PMFBP1: variants seen among roughly 807,000 people sequenced by gnomAD.
PMFBP1 encodes the protein polyamine modulated factor 1 binding protein 1.
In PMFBP1, 131 loss-of-function variants were observed where a neutral mutation model predicts 137.8. The ratio of observed to expected loss-of-function variants is 0.95; its 90% CI spans 0.82 to 1.10. The LOEUF is 1.10. Among genes scored for constraint, PMFBP1 ranks in the 50% least tolerant of loss-of-function variants. PMFBP1 has a pLI of 0.00. For synonymous variants in PMFBP1, 490 were observed against 450.4 expected, an observed-to-expected ratio of 1.09 and a Z score of -1.11; for missense variants, 1,199 against 1,175.4, an observed-to-expected ratio of 1.02 and a Z score of -0.29.
the PMFBP1 span, among the ~76,000 whole-genome samples, chr16:72,245,441 G>A: frequency 8.3e-4 from 127 of 152,288 alleles, 3 homozygotes; most frequent in East Asian, 0.021. Context: ...CCTGGCTACA[G>A]AGCCCATGCT....
At chr16:72,117,627 T>C (rs2042321936), downstream of PMFBP1, among the ~76,000 whole-genome samples, 2 of 152,220 alleles carry the variant, frequency 1.3e-5, no homozygotes, top group Admixed American at 6.5e-5. Context: ...CCATTGAGTA[T>C]AATGTTTGTT....
chr16:72,128,994 C>G, intron 13 of PMFBP1, 72 bp downstream of exon 13: 2 of 1,551,786 alleles, frequency 1.3e-6, no homozygotes, highest in Non-Finnish European at 1.7e-6. Context: ...CCTCCGCATC[C>G]CTGGAGGCCC....
At chr16:72,163,386 A>T (rs2043092652) in intron 3 of PMFBP1, among the ~76,000 whole-genome samples, 1 of 152,248 alleles carries the variant, frequency 6.6e-6, no homozygotes, top group Non-Finnish European at 1.5e-5. Flanking sequence ...GGCTAAAATG[A>T]AATTATCTCA....
the PMFBP1 span, among the ~76,000 whole-genome samples, chr16:72,236,162 T>C: frequency 2.0e-5 from 3 of 152,184 alleles, no homozygotes; most frequent in Non-Finnish European, 4.4e-5. Context: ...GAGGAATTTT[T>C]CTACTATTCC....
chr16:72,167,042 G>C (rs1283082338), intron 2 of PMFBP1, among the ~76,000 whole-genome samples: 1 of 152,160 alleles, frequency 6.6e-6, no homozygotes. Context: ...CCAACTGACT[G>C]GTCTGTCTTT....
chr16:72,121,775 C>A (rs554909184), intron 19 of PMFBP1, among the ~76,000 whole-genome samples: 1 of 152,154 alleles, frequency 6.6e-6, no homozygotes, highest in African/African-American at 2.4e-5. Flanking sequence ...TACGTGTGCA[C>A]CACCATGCCT....
At chr16:72,161,514 C>T (rs994781931) in intron 3 of PMFBP1, among the ~76,000 whole-genome samples, 9 of 152,030 alleles carry the variant, frequency 5.9e-5, no homozygotes, top group South Asian at 2.1e-4. Context: ...ATCTTTCTGA[C>T]GTAGACATTC....
the PMFBP1 span, among the ~76,000 whole-genome samples, chr16:72,182,604 C>G: frequency 2.7e-5 from 4 of 150,494 alleles, no homozygotes; most frequent in African/African-American, 9.7e-5. Context: ...TAAATATGAA[C>G]TTACTTATTA....
At chr16:72,161,628 C>T (rs1212127623) in intron 3 of PMFBP1, among the ~76,000 whole-genome samples, 1 of 152,074 alleles carries the variant, frequency 6.6e-6, no homozygotes, top group Non-Finnish European at 1.5e-5. Context: ...AGAGAGTTCC[C>T]ATATGTTCTT....
the PMFBP1 span, among the ~76,000 whole-genome samples, chr16:72,221,182 T>C: frequency 2.0e-5 from 3 of 152,176 alleles, no homozygotes; most frequent in Non-Finnish European, 4.4e-5. Flanking sequence ...CTGACATCTC[T>C]TCTTAAAATG....
intron 19 of PMFBP1, among the ~76,000 whole-genome samples, chr16:72,121,238 C>T (rs2042373009): frequency 6.6e-6 from 1 of 152,186 alleles, no homozygotes; most frequent in Non-Finnish European, 1.5e-5. Flanking sequence ...TTGCTCTCTA[C>T]AAAGCTGGCC....
downstream of PMFBP1, among the ~76,000 whole-genome samples, chr16:72,117,461 G>A (rs1391858266): frequency 1.3e-5 from 2 of 152,120 alleles, no homozygotes; most frequent in East Asian, 3.9e-4. Context: ...TCTGTGAACA[G>A]AGATAATTTT....
chr16:72,181,022 C>T (rs2043274384), upstream of PMFBP1, among the ~76,000 whole-genome samples: 1 of 152,064 alleles, frequency 6.6e-6, no homozygotes, highest in Non-Finnish European at 1.5e-5. Flanking sequence ...GGGCAGATCA[C>T]GAGGTCAAGA....
At chr16:72,123,815 T>C (rs2042413049) in intron 17 of PMFBP1, among the ~76,000 whole-genome samples, 166 bp from the exon 18 acceptor site, 1 of 152,170 alleles carries the variant, frequency 6.6e-6, no homozygotes, top group Non-Finnish European at 1.5e-5. Context: ...CCCTCTGGCT[T>C]GTGCGGGTGG....
upstream of PMFBP1, among the ~76,000 whole-genome samples, chr16:72,172,980 T>C (rs945907436): frequency 5.2e-4 from 79 of 152,312 alleles, no homozygotes; most frequent in African/African-American, 1.5e-3. Context: ...ATGCCTGTAC[T>C]GGCGAACTCA....
chr16:72,233,852 G>A, the PMFBP1 span, among the ~76,000 whole-genome samples: 1 of 152,006 alleles, frequency 6.6e-6, no homozygotes, highest in African/African-American at 2.4e-5. Context: ...TTTTGTGTCT[G>A]GCTTCTTTCA....
At chr16:72,159,838 G>A (rs1351333552) in intron 3 of PMFBP1, among the ~76,000 whole-genome samples, 2 of 149,942 alleles carry the variant, frequency 1.3e-5, no homozygotes, top group African/African-American at 4.9e-5. Flanking sequence ...TGAAGACACA[G>A]ATATTTTATT....
chr16:72,248,503 A>G, the PMFBP1 span, among the ~76,000 whole-genome samples: 1 of 152,232 alleles, frequency 6.6e-6, no homozygotes, highest in Non-Finnish European at 1.5e-5. Flanking sequence ...GAACAAAAGA[A>G]ATTAGGTAGT....
the PMFBP1 span, among the ~76,000 whole-genome samples, chr16:72,221,610 G>T: frequency 6.6e-6 from 1 of 152,184 alleles, no homozygotes; most frequent in African/African-American, 2.4e-5. Flanking sequence ...GTGCTGGAGG[G>T]AGAGTATGGG....
Sources: allele counts gnomAD v4.1 joint callset (sites outside exome capture counted in the v4.1 genomes callset), GRCh38; gene constraint gnomAD v4.1.1; transcripts MANE v1.5; gene names NCBI Gene and HGNC (gene_info 2026-07-23, HGNC 2026-07-21).